Variants in RCL1 observed in about 807,000 individuals in gnomAD.
The protein encoded by RCL1 is RNA terminal phosphate cyclase like 1, also known as RNA 3'-terminal phosphate cyclase-like protein.
Under a neutral mutation model 42.4 loss-of-function variants are expected in RCL1, and 24 were observed. The ratio of observed to expected loss-of-function variants is 0.57; its 90% confidence interval spans 0.41 to 0.80. The LOEUF (loss-of-function observed/expected upper bound fraction) is 0.80. RCL1 is among the 30% of genes least tolerant of loss of function. The pLI is 0.00. For missense variants in RCL1, 578 were observed against 467.9 expected, an observed-to-expected ratio of 1.24 and a Z score of -2.17; for synonymous variants, 228 against 177.3, an observed-to-expected ratio of 1.29 and a Z score of -2.27.
intron 3 of RCL1, among the ~76,000 whole-genome samples, chr9:4,830,691 A>ATATG (rs1197637970): frequency 2.0e-5 from 3 of 152,238 alleles, no homozygotes; most frequent in African/African-American, 7.2e-5. Context: ...CTAGGTGTAC[A>ATATG]TATGTATGTA....
chr9:4,798,909 C>A (rs1842954581), intron 1 of RCL1, among the ~76,000 whole-genome samples: 1 of 150,166 alleles, frequency 6.7e-6, no homozygotes, highest in Non-Finnish European at 1.5e-5. Flanking sequence ...AAGGCAAATG[C>A]CAAGAATCCT....
At chr9:4,830,838 T>G (rs1816919359) in intron 3 of RCL1, among the ~76,000 whole-genome samples, 1 of 152,212 alleles carries the variant, frequency 6.6e-6, no homozygotes, top group Non-Finnish European at 1.5e-5. Context: ...ACCTTTTGAT[T>G]GATTGACTGC....
At chr9:4,831,811 C>G (rs558417589) in intron 3 of RCL1, among the ~76,000 whole-genome samples, 5 of 152,312 alleles carry the variant, frequency 3.3e-5, no homozygotes, top group South Asian at 2.1e-4. Flanking sequence ...TTTCTGATAT[C>G]ACAATATTTA....
At chr9:4,843,890 T>C (rs1817417740) in intron 6 of RCL1, among the ~76,000 whole-genome samples, 1 of 152,228 alleles carries the variant, frequency 6.6e-6, no homozygotes, top group East Asian at 1.9e-4. Flanking sequence ...GATAGGTGGA[T>C]AGCACAGTGT....
intron 1 of RCL1, among the ~76,000 whole-genome samples, chr9:4,802,065 C>T (rs34322951): frequency 0.014 from 2,029 of 148,596 alleles, 22 homozygotes; most frequent in Non-Finnish European, 0.022. Flanking sequence ...TGTGCCACCA[C>T]GCCTGGCTAT....
At chr9:4,839,922 C>T (rs1237641487) in intron 5 of RCL1, 5 of 985,126 alleles carry the variant, frequency 5.1e-6, no homozygotes, top group African/African-American at 3.5e-5. Flanking sequence ...GAGATTGGGA[C>T]CTCGGGCTGG....
rs7036729 is a variant in RCL1 at position 4,833,305 on chromosome 9, A to G, written c.459+77A>G. 6.7e-3 allele frequency: 7,314 copies of G among 1,084,772 alleles called. 243 individuals are homozygous for G. In the African/African-American group the frequency reaches 0.085, roughly 13 times the overall value. The allele number at this position is 1,084,772 out of a possible 1,614,324, so 67.2% of individuals were successfully genotyped here. On this transcript the variant is annotated intron_variant, in intron 4 of 8. Transcript: ENST00000381750. ...ACTGACTCATTGGAAGAGCTGTGTG[A>G]CTCAGTGTATGTGTGTCACATTTGA...
chr9:4,806,046 T>TTG (rs1057311928), intron 1 of RCL1, among the ~76,000 whole-genome samples: 9 of 71,336 alleles, frequency 1.3e-4, no homozygotes, highest in African/African-American at 4.0e-4. Context: ...GTGTGTGTGT[T>TTG]TGTGTGTGTG....
rs1817634030 is a variant in RCL1, at chr9:4,849,373, G to GT, written c.868-74_868-73insT. On this transcript the variant is annotated intron_variant, in intron 7 of 8. Transcript: ENST00000381750. ...TTTGATATTATGAGTGTATGTTTCT[G>GT]GTTTTTTTTTTCCTCCTCTCTTTTG... is the stretch of plus-strand genomic sequence containing the variant. 6 of 1,116,686 alleles carry GT rather than the reference G, an allele frequency of 5.4e-6. No homozygotes were observed. The African/African-American group carries it at 7.8e-5, about 15-fold the overall frequency. 69.2% of individuals were successfully genotyped at this position (1,116,686 alleles called of 1,614,324 possible).
chr9:4,841,629 G>T (rs1817333725), intron 6 of RCL1, among the ~76,000 whole-genome samples: 1 of 152,124 alleles, frequency 6.6e-6, no homozygotes, highest in African/African-American at 2.4e-5. Context: ...AATGCTTTAG[G>T]CTTTAAATTC....
At chr9:4,852,732 C>T (rs7855081) in intron 8 of RCL1, among the ~76,000 whole-genome samples, 59,101 of 150,986 alleles carry the variant, frequency 0.39, 12,229 homozygotes, top group African/African-American at 0.52. Context: ...CTGGACACCC[C>T]TTCACCCTGC....
rs183206114 is a variant in RCL1, at chr9:4,818,290, C to G, written c.137-5258C>G. ...TCTCATCTGTTTTGATGAAATTTTT[C>G]TTTCTATACAATACATTTTATTATG... On this transcript the variant is annotated intron_variant, in intron 1 of 8. Transcript: ENST00000381750. Among the ~76,000 whole-genome samples the G allele has an allele frequency of 2.8e-3, 426 of 152,080 alleles. 1 individual carries two copies. Among genetic ancestry groups the G allele is most frequent in the African/African-American group, 1.0e-2 (414 of 41,488 alleles).
chr9:4,832,756 C>T (rs188401120), intron 3 of RCL1, among the ~76,000 whole-genome samples: 22 of 136,946 alleles, frequency 1.6e-4, no homozygotes, highest in Non-Finnish European at 2.6e-4. Flanking sequence ...TGCAGTGAGC[C>T]TAGATCGCGC....
intron 1 of RCL1, among the ~76,000 whole-genome samples, chr9:4,814,555 C>T (rs1816304517): frequency 6.6e-6 from 1 of 152,196 alleles, no homozygotes; most frequent in Non-Finnish European, 1.5e-5. Context: ...GCATGAGCCA[C>T]AGTACTTAGC....
At chr9:4,831,255 C>T (rs544862418) in intron 3 of RCL1, among the ~76,000 whole-genome samples, 1 of 152,290 alleles carries the variant, frequency 6.6e-6, no homozygotes, top group Admixed American at 6.5e-5. Flanking sequence ...TGGCTTCACT[C>T]TTTGTGACTC....
At chr9:4,804,020 C>T (rs1843051934) in intron 1 of RCL1, 2 of 152,600 alleles carry the variant, frequency 1.3e-5, no homozygotes, top group South Asian at 2.1e-4. Context: ...TTGCCGCTGC[C>T]TATGTAATCC....
intron 5 of RCL1, among the ~76,000 whole-genome samples, chr9:4,834,989 A>G (rs1216411113): frequency 6.6e-6 from 1 of 152,216 alleles, no homozygotes; most frequent in Admixed American, 6.5e-5. Context: ...TATAGAAAGG[A>G]GCCTTGAAGA....
intron 1 of RCL1, among the ~76,000 whole-genome samples, chr9:4,821,666 A>T (rs1434161330): frequency 1.3e-5 from 2 of 151,466 alleles, no homozygotes; most frequent in African/African-American, 4.9e-5. Flanking sequence ...CCCCCCAGAG[A>T]TGGGCATCTT....
At chr9:4,828,243 A>G (rs1198657738) in intron 3 of RCL1, among the ~76,000 whole-genome samples, 1 of 151,964 alleles carries the variant, frequency 6.6e-6, no homozygotes, top group Non-Finnish European at 1.5e-5. Flanking sequence ...TTACCATTAC[A>G]GGCCAAGACC....
Sources: gnomAD v4.1 joint callset for allele counts (sites outside exome capture counted in the v4.1 genomes callset) on GRCh38, gnomAD v4.1.1 for gene constraint, MANE v1.5 for transcripts, NCBI Gene and HGNC (gene_info 2026-07-23, HGNC 2026-07-21) for gene names.